Variants in SDHD observed in about 807,000 individuals in gnomAD.
SDHD encodes succinate dehydrogenase [ubiquinone] cytochrome b small subunit, mitochondrial.
Under a neutral mutation model 18.7 loss-of-function variants are expected in SDHD, and 6 were observed. The ratio of observed to expected loss-of-function variants is 0.32; its 90% CI spans 0.18 to 0.63. SDHD has a LOEUF of 0.63. Ranked by LOEUF, SDHD falls within the 30% of genes least tolerant of loss-of-function variation. The pLI is 0.79. For missense variants in SDHD, 160 were observed against 192.7 expected (o/e 0.83, Z 1.00); for synonymous variants, 56 against 73.9 (o/e 0.76, Z 1.24).
intron 3 of SDHD, among the ~76,000 whole-genome samples, chr11:112,093,456 A>C (rs1865785162): frequency 6.6e-6 from 1 of 152,182 alleles, no homozygotes; most frequent in Non-Finnish European, 1.5e-5. Flanking sequence ...GCTAAGAGGT[A>C]GAGGGTTTCT....
Position 112,088,902 on chromosome 11 carries a change from G to T in SDHD, c.205G>T (p.Glu69Ter). The T allele has an allele frequency of 6.2e-7, 1 of 1,612,768 alleles. No homozygotes were observed. Among genetic ancestry groups the T allele is most frequent in the Non-Finnish European group, 8.5e-7 (1 of 1,179,938 alleles). ...GGCTGCATCTCTCCACTGGACTAGC[G>T]AGAGGGTTGTCAGTGTTTTGCTCCT... ...SKAASLHWTS[E>*]RVVSVLLLGL... The change falls in exon 3 of 4, where the codon GAG becomes TAG. Residue 69 changes from glutamate (E) to a stop codon, truncating the protein, a stop_gained. Coordinates refer to ENST00000375549, the MANE Select transcript of SDHD (RefSeq NM_003002.4). LOFTEE classifies it high-confidence loss of function.
Position 112,094,755 on chromosome 11 carries a change from A to G in SDHD, c.315-50A>G, listed in dbSNP as rs2135277209. The stretch of plus-strand genomic sequence containing the variant: ...AGCCAAGTTATCTGTATAGTCTTCT[A>G]ATTTCACTGTGGTTTTTTATTGATG... On this transcript the variant is annotated intron_variant, in intron 3 of 3. Coordinates refer to ENST00000375549, the MANE Select transcript of SDHD (RefSeq NM_003002.4). The G allele has an allele frequency of 6.5e-7, 1 of 1,539,372 alleles. No homozygotes were observed. Among genetic ancestry groups the G allele is most frequent in the East Asian group, 2.2e-5 (1 of 44,514 alleles).
intron 3 of SDHD, 41 bp from the exon 4 acceptor site, chr11:112,094,762 CTG>C (rs778641698): frequency 6.4e-7 from 1 of 1,561,218 alleles, no homozygotes; most frequent in African/African-American, 1.4e-5. Flanking sequence ...TCTAATTTCA[CTG>C]TGGTTTTTTA....
chr11:112,087,545 C>T (rs555800602), intron 1 of SDHD, among the ~76,000 whole-genome samples: 1 of 152,244 alleles, frequency 6.6e-6, no homozygotes, highest in South Asian at 2.1e-4. Flanking sequence ...AGAAGATTGT[C>T]TCAAGAACTG....
intron 3 of SDHD, among the ~76,000 whole-genome samples, chr11:112,093,806 G>T (rs1388451559): frequency 6.6e-6 from 1 of 152,002 alleles, no homozygotes; most frequent in Non-Finnish European, 1.5e-5. Flanking sequence ...ATGCCACTTT[G>T]GTTTGGATGT....
Position 112,094,018 on chromosome 11 carries a change from T to G in SDHD, c.315-787T>G, listed in dbSNP as rs115580415. Among the ~76,000 whole-genome samples the G allele has an allele frequency of 1.9e-3, 288 of 152,330 alleles. 1 individual carries two copies. The highest frequency in any genetic ancestry group is 6.7e-3 in the African/African-American group (279 of 41,564). ...AATTAAAAATACTGTAGAGTTTTAG[T>G]TATTTTTAGTTATTGGGGTGAAAGG... On this transcript the variant is annotated intron_variant, in intron 3 of 3. Transcript: ENST00000375549.
At chr11:112,089,161 T>G (rs1412546741) in intron 3 of SDHD, 150 bp downstream of exon 3, 1 of 726,042 alleles carries the variant, frequency 1.4e-6, no homozygotes, top group Non-Finnish European at 2.3e-6. Flanking sequence ...ATGCCTAGAT[T>G]TATATATCTG....
rs551583978 is a variant in SDHD, at chr11:112,088,006, C to CTCTA, written c.169+34_169+37dup. 5.1e-5 allele frequency: 72 copies of CTCTA among 1,418,698 alleles called. No homozygotes were observed. In the East Asian group the frequency reaches 1.5e-3, roughly 30 times the overall value. The allele number at this position is 1,418,698 out of a possible 1,614,324, so 87.9% of individuals were successfully genotyped here. A position where few individuals can be genotyped will look rare whatever the true frequency, so the allele number is the denominator to read the frequency against. ...CTCTCCATCGCTGCTGCTTTCTGGG[C>CTCTA]TCTAGCCATCTTTACCTTCACTAAT... On this transcript the variant is annotated intron_variant, in intron 2 of 3. Transcript: ENST00000375549.
At position 112,092,753 on chromosome 11, in the gene SDHD, G is replaced by A. The variant is rs188869264; in HGVS notation, c.315-2052G>A. Reference sequence around the variant, plus strand: ...CCTTAGAGTTACCATCTGACTCGGCGATCTACTTTTAGGTGTATACCCAAG... The same window carrying A: ...CCTTAGAGTTACCATCTGACTCGGCAATCTACTTTTAGGTGTATACCCAAG... On this transcript the variant is annotated intron_variant, in intron 3 of 3. Coordinates refer to ENST00000375549, the MANE Select transcript of SDHD (RefSeq NM_003002.4). Among the ~76,000 whole-genome samples, 6 of 152,240 alleles carry A rather than the reference G, an allele frequency of 3.9e-5. No individual in the cohort carries two copies. The South Asian group carries it at 6.2e-4, about 16-fold the overall frequency.
chr11:112,087,090 C>CTACAGTGGTCAT, intron 1 of SDHD, 131 bp downstream of exon 1: 1 of 1,024,870 alleles, frequency 9.8e-7, no homozygotes, highest in Non-Finnish European at 1.5e-6. Context: ...GCAATGACCA[C>CTACAGTGGTCAT]TGTAGTCTAG....
At chr11:112,094,773 T>TC in intron 3 of SDHD, 32 bp from the exon 4 acceptor site, 2 of 1,598,234 alleles carry the variant, frequency 1.3e-6, no homozygotes, top group Non-Finnish European at 1.7e-6. Context: ...TGTGGTTTTT[T>TC]ATTGATGTTA....
chr11:112,089,044 C>G, intron 3 of SDHD, 33 bp downstream of exon 3: 2 of 1,613,022 alleles, frequency 1.2e-6, no homozygotes, highest in African/African-American at 2.7e-5. Context: ...TAGTTGTCTG[C>G]TCAGTTTGTT....
chr11:112,087,783 A>G (rs761922339), intron 1 of SDHD, 74 bp from the exon 2 acceptor site: 22 of 911,468 alleles, frequency 2.4e-5, no homozygotes, highest in African/African-American at 2.0e-4. Context: ...TAGCTTACCT[A>G]TGGTCATTTA....
chr11:112,088,292 T>A, intron 2 of SDHD: 2 of 373,158 alleles, frequency 5.4e-6, no homozygotes, highest in South Asian at 4.4e-5. Context: ...CTCCACCTTC[T>A]GAGTTCAAGC....
rs182081830 is a variant in SDHD at position 112,094,174 on chromosome 11, C to T, written c.315-631C>T. Among the ~76,000 whole-genome samples the T allele has an allele frequency of 3.8e-3, 582 of 151,810 alleles. 2 individuals are homozygous for T. Among genetic ancestry groups the T allele is most frequent in the African/African-American group, 0.013 (536 of 41,410 alleles). On this transcript the variant is annotated intron_variant, in intron 3 of 3. Transcript: ENST00000375549. ...CAACACTTTGGGAGGCTGAGGTGGG[C>T]GGATCACAAGGTCAGGAGTTCGAGA...
intron 3 of SDHD, among the ~76,000 whole-genome samples, chr11:112,091,495 C>T (rs1275853590): frequency 6.6e-6 from 1 of 152,162 alleles, no homozygotes; most frequent in East Asian, 1.9e-4. Context: ...CTTAATTTCT[C>T]CATCTGTACC....
At chr11:112,089,032 T>C in intron 3 of SDHD, 21 bp downstream of exon 3, 5 of 1,613,922 alleles carry the variant, frequency 3.1e-6, no homozygotes, top group Non-Finnish European at 4.2e-6. Flanking sequence ...CAATTCCAAA[T>C]ATAGTTGTCT....
intron 2 of SDHD, 79 bp downstream of exon 2, chr11:112,088,052 T>G (rs766552528): frequency 1.3e-4 from 126 of 993,042 alleles, no homozygotes; most frequent in Non-Finnish European, 1.9e-4. Flanking sequence ...TTAGCAGGAC[T>G]TCCTACCTGT....
At chr11:112,088,636 G>A (rs1865676867) in intron 2 of SDHD, 1 of 592,092 alleles carries the variant, frequency 1.7e-6, no homozygotes, top group South Asian at 1.9e-5. Flanking sequence ...TAATCAATAT[G>A]TAGGCATTGA....
Sources: allele counts gnomAD v4.1 joint callset (sites outside exome capture counted in the v4.1 genomes callset), GRCh38; gene constraint gnomAD v4.1.1; transcripts MANE v1.5; gene names NCBI Gene and HGNC (gene_info 2026-07-23, HGNC 2026-07-21).